The following FRMD3 variants were observed in gnomAD, a reference collection of about 807,000 sequenced individuals.
FRMD3 encodes the protein FERM domain containing 3, also known as FERM domain-containing protein 3.
FRMD3 carries 33 observed loss-of-function variants against 70.2 expected under a neutral mutation model. That is an observed-to-expected ratio of 0.47 (90% CI 0.36 to 0.63). The LOEUF is 0.63. Among genes scored for constraint, FRMD3 ranks in the 20% least tolerant of loss-of-function variants. FRMD3 has a pLI of 0.00. For synonymous variants in FRMD3, 279 were observed against 255.9 expected (o/e 1.09, Z -0.86); for missense variants, 632 against 711.4 (o/e 0.89, Z 1.27).
chr9:83,413,705 GATC>G (rs1826343443), intron 1 of FRMD3, among the ~76,000 whole-genome samples: 1 of 152,046 alleles, frequency 6.6e-6, no homozygotes, highest in South Asian at 2.1e-4. Flanking sequence ...TATTAATTTA[GATC>G]ATCAGAAATC....
At chr9:83,256,392 T>G (rs1478809025) in intron 13 of FRMD3, among the ~76,000 whole-genome samples, 2 of 152,126 alleles carry the variant, frequency 1.3e-5, no homozygotes, top group African/African-American at 4.8e-5. Flanking sequence ...AAGACTTAAA[T>G]GTAAAACCCA....
chr9:83,435,259 G>A (rs1489858344), intron 1 of FRMD3, among the ~76,000 whole-genome samples: 1 of 152,210 alleles, frequency 6.6e-6, no homozygotes, highest in Non-Finnish European at 1.5e-5. Flanking sequence ...ACAGTGTGCA[G>A]TGTGCTTCTG....
At chr9:83,475,067 A>G (rs1433126267) in intron 1 of FRMD3, among the ~76,000 whole-genome samples, 1 of 152,190 alleles carries the variant, frequency 6.6e-6, no homozygotes, top group Non-Finnish European at 1.5e-5. Flanking sequence ...ATACACCATC[A>G]AGAGCCTCCA....
At chr9:83,526,518 C>T (rs1185517403) in intron 1 of FRMD3, among the ~76,000 whole-genome samples, 1 of 152,204 alleles carries the variant, frequency 6.6e-6, no homozygotes, top group African/African-American at 2.4e-5. Flanking sequence ...GAGTTTACTT[C>T]CACTTGTCCT....
chr9:83,266,321 T>C (rs534895622), intron 13 of FRMD3, among the ~76,000 whole-genome samples: 2 of 152,348 alleles, frequency 1.3e-5, no homozygotes, highest in Non-Finnish European at 2.9e-5. Flanking sequence ...GTTTCACACA[T>C]GTGCATGAGA....
chr9:83,394,101 A>T (rs1488430968), intron 1 of FRMD3, among the ~76,000 whole-genome samples: 2 of 152,030 alleles, frequency 1.3e-5, no homozygotes, highest in Non-Finnish European at 2.9e-5. Flanking sequence ...TTAGTCCACA[A>T]GCCCCAAAGT....
At chr9:83,381,773 C>T (rs1825363989) in intron 2 of FRMD3, among the ~76,000 whole-genome samples, 1 of 152,088 alleles carries the variant, frequency 6.6e-6, no homozygotes. Context: ...ATTCCCTTCC[C>T]TATTTTGGAA....
At chr9:83,533,373 T>G (rs1164807396) in intron 1 of FRMD3, among the ~76,000 whole-genome samples, 1 of 152,226 alleles carries the variant, frequency 6.6e-6, no homozygotes, top group African/African-American at 2.4e-5. Context: ...TCAACAGAAA[T>G]GCTTCATTCA....
intron 1 of FRMD3, among the ~76,000 whole-genome samples, chr9:83,403,404 T>C (rs1465689926): frequency 6.6e-6 from 1 of 152,128 alleles, no homozygotes; most frequent in African/African-American, 2.4e-5. Flanking sequence ...CATGTGTGCT[T>C]GAAACTGCTG....
chr9:83,311,995 AAAAAG>A lies in FRMD3; in HGVS notation c.685-25_685-21del. 1 of 1,538,086 alleles carries A rather than the reference AAAAAG, an allele frequency of 6.5e-7. No homozygotes were observed. Among genetic ancestry groups the A allele is most frequent in the Non-Finnish European group, 8.8e-7 (1 of 1,136,694 alleles). ...TGAATCCTGAAAAAAAAAAAAAAGAAAAAAGAAAAATCTGTTTAGATTGAGAAAAA... is the reference window on the plus strand; with the variant it reads ...TGAATCCTGAAAAAAAAAAAAAAGAAAAAAATCTGTTTAGATTGAGAAAAA... On this transcript the variant is annotated intron_variant, in intron 7 of 13. Coordinates refer to ENST00000304195, the MANE Select transcript of FRMD3 (RefSeq NM_174938.6).
At chr9:83,518,575 T>C (rs1291884618) in intron 1 of FRMD3, among the ~76,000 whole-genome samples, 1 of 152,192 alleles carries the variant, frequency 6.6e-6, no homozygotes, top group Non-Finnish European at 1.5e-5. Flanking sequence ...CAAAGTAATT[T>C]ATAGATTCAA....
intron 1 of FRMD3, among the ~76,000 whole-genome samples, chr9:83,460,391 AC>A (rs1435401534): frequency 2.0e-5 from 3 of 152,040 alleles, no homozygotes; most frequent in Non-Finnish European, 2.9e-5. Flanking sequence ...TCCCAATTTA[AC>A]CCACCTATCA....
At chr9:83,450,461 A>C (rs138693370) in intron 1 of FRMD3, among the ~76,000 whole-genome samples, 2,951 of 151,108 alleles carry the variant, frequency 0.02, 55 homozygotes, top group East Asian at 0.075. Context: ...GCACCCACTA[A>C]TGTGTCATCT....
At chr9:83,500,282 C>T (rs1829033536) in intron 1 of FRMD3, among the ~76,000 whole-genome samples, 1 of 151,898 alleles carries the variant, frequency 6.6e-6, no homozygotes, top group Non-Finnish European at 1.5e-5. Context: ...TTGTCAATTA[C>T]AACAAATGTA....
At chr9:83,308,221 G>A (rs1835214633) in intron 10 of FRMD3, among the ~76,000 whole-genome samples, 1 of 152,134 alleles carries the variant, frequency 6.6e-6, no homozygotes, top group Non-Finnish European at 1.5e-5. Flanking sequence ...GGTCACCCAA[G>A]CTCCTGAAAA....
chr9:83,266,129 C>T (rs1833244252), intron 13 of FRMD3, among the ~76,000 whole-genome samples: 1 of 151,520 alleles, frequency 6.6e-6, no homozygotes, highest in African/African-American at 2.4e-5. Context: ...TTGAACAATC[C>T]CATTTATAAA....
At chr9:83,294,726 C>T (rs564142137) in intron 12 of FRMD3, among the ~76,000 whole-genome samples, 83 of 152,284 alleles carry the variant, frequency 5.5e-4, no homozygotes, top group Non-Finnish European at 1.0e-3. Flanking sequence ...AAGCTCAAAG[C>T]CAGATAATCT....
chr9:83,493,186 A>G (rs1025154528), intron 1 of FRMD3, among the ~76,000 whole-genome samples: 14 of 152,076 alleles, frequency 9.2e-5, no homozygotes, highest in African/African-American at 3.4e-4. Flanking sequence ...GTTGGAAGGG[A>G]GGAGGGAGCA....
intron 3 of FRMD3, among the ~76,000 whole-genome samples, chr9:83,356,931 A>G (rs1164897816): frequency 1.3e-5 from 2 of 151,438 alleles, no homozygotes; most frequent in Non-Finnish European, 2.9e-5. Context: ...CCGTCATATC[A>G]TTTTTATGCC....
Sources: allele counts gnomAD v4.1 joint callset (sites outside exome capture counted in the v4.1 genomes callset), GRCh38; gene constraint gnomAD v4.1.1; transcripts MANE v1.5; gene names NCBI Gene and HGNC (gene_info 2026-07-23, HGNC 2026-07-21).